Variants in PCDHA3 observed in about 807,000 individuals in gnomAD.
PCDHA3 encodes protocadherin alpha 3, also known as protocadherin alpha-3.
PCDHA3 carries 41 observed loss-of-function variants against 62.2 expected under a neutral mutation model. That is an observed-to-expected ratio of 0.66 (90% CI 0.51 to 0.86). The LOEUF is 0.86. PCDHA3 is among the 40% of genes least tolerant of loss of function. The pLI, the probability that PCDHA3 is intolerant of heterozygous loss-of-function variation, is 0.00. For missense variants in PCDHA3, 1,304 were observed against 1,241.2 expected, an observed-to-expected ratio of 1.05 and a Z score of -0.76; for synonymous variants, 640 against 555.4, an observed-to-expected ratio of 1.15 and a Z score of -2.14.
chr5:140,804,707 T>C (rs1489432225), intron 1 of PCDHA3: 2 of 170,256 alleles, frequency 1.2e-5, no homozygotes, highest in African/African-American at 4.7e-5. Context: ...AAATTGAAGG[T>C]AGACTTTTTT....
intron 1 of PCDHA3, chr5:140,868,832 C>T: frequency 2.4e-6 from 1 of 420,492 alleles, no homozygotes; most frequent in Non-Finnish European, 4.1e-6. Context: ...GGAAGAAACC[C>T]AAAACACGTG....
At chr5:140,916,252 G>A (rs2077495466) in intron 1 of PCDHA3, among the ~76,000 whole-genome samples, 1 of 152,176 alleles carries the variant, frequency 6.6e-6, no homozygotes, top group Admixed American at 6.5e-5. Flanking sequence ...TGGACTTGGG[G>A]ACCCCAAGAG....
Position 140,843,585 on chromosome 5 carries a change from C to T in PCDHA3, c.2394+39994C>T, listed in dbSNP as rs2150363108. ...AGCTGGTCATACTCGCAACAACAGC[C>T]GCAGAGGGTGTGCTCTGGTGAGGGG... On this transcript the variant is annotated intron_variant, in intron 1 of 3. Coordinates refer to ENST00000522353, the MANE Select transcript of PCDHA3 (RefSeq NM_018906.3). 2.5e-6 allele frequency: 4 copies of T among 1,596,014 alleles called. No homozygotes were observed. The South Asian group carries it at 4.4e-5, about 18-fold the overall frequency.
chr5:140,821,540 C>T (rs1554128115), intron 1 of PCDHA3: 7 of 480,180 alleles, frequency 1.5e-5, no homozygotes, highest in South Asian at 4.2e-5. Flanking sequence ...AACACTTACC[C>T]TTTCATCCAC....
At chr5:140,822,911 G>A (rs2150120278) in intron 1 of PCDHA3, 1 of 1,614,254 alleles carries the variant, frequency 6.2e-7, no homozygotes, top group Non-Finnish European at 8.5e-7. Flanking sequence ...CGTGACTCAG[G>A]TGCCAACGGG....
chr5:140,852,980 G>C (rs782092693), intron 1 of PCDHA3: 1 of 347,518 alleles, frequency 2.9e-6, no homozygotes, highest in Non-Finnish European at 4.2e-6. Flanking sequence ...CCGTGTTCAC[G>C]CCATTCTCCT....
intron 1 of PCDHA3, chr5:140,929,215 T>C (rs1554206842): frequency 1.2e-6 from 2 of 1,613,934 alleles, no homozygotes; most frequent in East Asian, 2.2e-5. Context: ...GCGTGGGGAG[T>C]ACAATGCTGC....
In PCDHA3 at chr5:140,801,636, C is replaced by A. The variant is rs139627437; in HGVS notation, c.439C>A (p.Gln147Lys). Residue 147 changes from glutamine (Q) to lysine (K), a missense_variant, in exon 1 of 4, where the codon CAG (glutamine) becomes AAG (lysine). By Grantham distance (53) the Gln-to-Lys change is moderately conservative. Transcript: ENST00000522353. ...VKNLFISESR[Q>K]PGSRFSLEGA... is the part of the protein sequence containing the mutation. ...GAATCTGTTTATTTCCGAATCCCGA[C>A]AGCCTGGCTCTCGGTTTTCGCTAGA... 9.9e-6 allele frequency: 16 copies of A among 1,614,120 alleles called. No individual in the cohort carries two copies. In the African/African-American group the frequency reaches 2.1e-4, roughly 22 times the overall value.
chr5:140,973,329 G>A (rs1303671094), intron 1 of PCDHA3, among the ~76,000 whole-genome samples: 6 of 152,112 alleles, frequency 3.9e-5, no homozygotes, highest in Non-Finnish European at 7.3e-5. Flanking sequence ...GTTTACACTC[G>A]TTGTAAAGTG....
chr5:140,997,831 A>G (rs938860065), intron 3 of PCDHA3, among the ~76,000 whole-genome samples: 3 of 152,210 alleles, frequency 2.0e-5, no homozygotes, highest in African/African-American at 4.8e-5. Context: ...TTTCTAAACA[A>G]TACAATATAC....
In PCDHA3 at chr5:140,802,635, C is replaced by A; in HGVS notation, c.1438C>A (p.Arg480=). ...PGCHIFTVSA[R]DADAQENALV... ...CTGCCACATCTTCACGGTGTCTGCGCGGGACGCGGACGCGCAGGAGAACGC... is the reference window on the plus strand; with the variant it reads ...CTGCCACATCTTCACGGTGTCTGCGAGGGACGCGGACGCGCAGGAGAACGC... The change falls in exon 1 of 4, where the codon CGG becomes AGG. Residue 480 remains arginine (R), a synonymous_variant. Coordinates refer to ENST00000522353, the MANE Select transcript of PCDHA3 (RefSeq NM_018906.3). The A allele has an allele frequency of 6.8e-6, 11 of 1,613,810 alleles. No homozygotes were observed. The highest frequency in any genetic ancestry group is 9.3e-6 in the Non-Finnish European group (11 of 1,179,892).
chr5:140,820,621 C>T (rs1420826782), intron 1 of PCDHA3, among the ~76,000 whole-genome samples: 3 of 151,872 alleles, frequency 2.0e-5, no homozygotes, highest in African/African-American at 7.2e-5. Flanking sequence ...CAAATCATAC[C>T]ATCCAGTAAA....
At chr5:140,857,153 G>A in intron 1 of PCDHA3, 1 of 1,598,322 alleles carries the variant, frequency 6.3e-7, no homozygotes, top group East Asian at 2.2e-5. Context: ...CACCGTCATT[G>A]CCCTAATCAG....
intron 1 of PCDHA3, chr5:140,966,679 G>T: frequency 1.5e-6 from 2 of 1,317,678 alleles, no homozygotes; most frequent in Admixed American, 3.8e-5. Context: ...AGGGTGGCAC[G>T]AGCGGAGGCG....
At chr5:140,846,790 C>T (rs1780677178) in intron 1 of PCDHA3, among the ~76,000 whole-genome samples, 1 of 149,194 alleles carries the variant, frequency 6.7e-6, no homozygotes, top group Non-Finnish European at 1.5e-5. Context: ...ATTACTGAGC[C>T]CCAGCCCCTG....
At chr5:141,000,377 C>G (rs1213637729) in intron 3 of PCDHA3, among the ~76,000 whole-genome samples, 1 of 58,954 alleles carries the variant, frequency 1.7e-5, no homozygotes, top group South Asian at 5.5e-4. Flanking sequence ...CTCTCTCTCT[C>G]TCTCTCTCTC....
chr5:140,979,462 T>C (rs2096852361), intron 2 of PCDHA3, among the ~76,000 whole-genome samples: 1 of 152,304 alleles, frequency 6.6e-6, no homozygotes, highest in East Asian at 1.9e-4. Context: ...CAATAATTGA[T>C]TGCTATTGTT....
Position 140,856,070 on chromosome 5 carries a change from C to T in PCDHA3, c.2394+52479C>T. 3.1e-6 allele frequency: 5 copies of T among 1,591,758 alleles called. 1 individual carries two copies. Among genetic ancestry groups the T allele is most frequent in the Non-Finnish European group, 4.3e-6 (5 of 1,163,604 alleles). On this transcript the variant is annotated intron_variant, in intron 1 of 3. Coordinates refer to ENST00000522353, the MANE Select transcript of PCDHA3 (RefSeq NM_018906.3). ...TAAGATGGTTTCCAGATGTAGCTGC[C>T]TGGGGGTCCAGTGTCTGCTGCTCTC...
intron 1 of PCDHA3, chr5:140,867,665 T>C (rs2050092984): frequency 6.6e-6 from 1 of 152,154 alleles, no homozygotes; most frequent in Non-Finnish European, 1.5e-5. Context: ...CACTTTCTAC[T>C]CTAAAATTTT....
Sources: gnomAD v4.1 joint callset for allele counts (sites outside exome capture counted in the v4.1 genomes callset) on GRCh38, gnomAD v4.1.1 for gene constraint, MANE v1.5 for transcripts, NCBI Gene and HGNC (gene_info 2026-07-23, HGNC 2026-07-21) for gene names.